Variants in DAW1 observed in about 807,000 individuals in gnomAD.
The protein encoded by DAW1 is dynein assembly factor with WD repeat domains 1.
Under a neutral mutation model 56.5 loss-of-function variants are expected in DAW1, and 47 were observed. The ratio of observed to expected loss-of-function variants is 0.83; its 90% CI spans 0.66 to 1.06. The LOEUF (loss-of-function observed/expected upper bound fraction) is 1.06, where lower values mean the gene tolerates loss of function less well. Ranked by LOEUF, DAW1 falls within the 50% of genes least tolerant of loss-of-function variation. DAW1 has a pLI of 0.00. For synonymous variants in DAW1, 190 were observed against 179.0 expected (o/e 1.06, Z -0.49); for missense variants, 505 against 499.3 (o/e 1.01, Z -0.11).
chr2:227,896,036 A>G (rs948412464), intron 5 of DAW1, among the ~76,000 whole-genome samples: 3 of 152,208 alleles, frequency 2.0e-5, no homozygotes, highest in South Asian at 2.1e-4. Flanking sequence ...GGTTGCCAAT[A>G]TAATATCTTT....
chr2:227,921,610 T>G (rs1356343330), intron 12 of DAW1, 49 bp downstream of exon 12: 1 of 1,572,046 alleles, frequency 6.4e-7, no homozygotes, highest in Non-Finnish European at 8.7e-7. Flanking sequence ...GATTGGCTGT[T>G]AGAGTTCCCA....
intron 1 of DAW1, among the ~76,000 whole-genome samples, chr2:227,879,466 G>A (rs1169577678): frequency 6.6e-6 from 1 of 151,934 alleles, no homozygotes; most frequent in Admixed American, 6.6e-5. Context: ...TTGTGGTTAT[G>A]GTTGAAACTT....
At chr2:227,899,848 A>G (rs1262678334) in intron 6 of DAW1, among the ~76,000 whole-genome samples, 1 of 152,244 alleles carries the variant, frequency 6.6e-6, no homozygotes, top group Non-Finnish European at 1.5e-5. Flanking sequence ...ATGCTTGGAA[A>G]TATGTCTTGA....
chr2:227,912,601 C>T (rs1190328878), intron 10 of DAW1: 1 of 1,143,528 alleles, frequency 8.7e-7, no homozygotes, highest in African/African-American at 1.6e-5. Flanking sequence ...GTGATGACCG[C>T]CTATTCTGCT....
At chr2:227,887,424 C>A (rs970896298) in intron 2 of DAW1, among the ~76,000 whole-genome samples, 1 of 152,092 alleles carries the variant, frequency 6.6e-6, no homozygotes, top group Non-Finnish European at 1.5e-5. Flanking sequence ...ATGTAAGAAT[C>A]TAATCTGGGT....
chr2:227,909,461 T>C lies in DAW1; in HGVS notation c.973+2209T>C, dbSNP rs189222956. ...AATAGTATATAAATACACACACACA[T>C]ATATATAGTATATAACCAATATTAT... On this transcript the variant is annotated intron_variant, in intron 10 of 12. Coordinates refer to ENST00000309931, the MANE Select transcript of DAW1 (RefSeq NM_178821.3). 9.9e-4 allele frequency among the ~76,000 whole-genome samples: 148 copies of C among 150,076 alleles called. 1 individual carries two copies. Among genetic ancestry groups the C allele is most frequent in the African/African-American group, 3.4e-3 (141 of 41,044 alleles).
chr2:227,922,909 C>T (rs888237140), intron 12 of DAW1, among the ~76,000 whole-genome samples: 3 of 152,182 alleles, frequency 2.0e-5, no homozygotes, highest in Non-Finnish European at 2.9e-5. Flanking sequence ...GGGCACAGGG[C>T]GCTCCTGCAG....
chr2:227,908,210 A>G (rs569159911), intron 10 of DAW1, among the ~76,000 whole-genome samples: 1 of 152,186 alleles, frequency 6.6e-6, no homozygotes, highest in Admixed American at 6.5e-5. Flanking sequence ...TATCTGCATC[A>G]TCTTGTTGAA....
At chr2:227,877,459 T>C (rs1279871439) in intron 1 of DAW1, among the ~76,000 whole-genome samples, 1 of 152,216 alleles carries the variant, frequency 6.6e-6, no homozygotes, top group Non-Finnish European at 1.5e-5. Flanking sequence ...GGACTCTTTG[T>C]TTTCTGCTTT....
chr2:227,917,166 G>GTCTGTCTGTCTGTCTA (rs1691973017), intron 10 of DAW1, among the ~76,000 whole-genome samples: 1 of 151,208 alleles, frequency 6.6e-6, no homozygotes, highest in Non-Finnish European at 1.5e-5. Context: ...CTGTCTGTCT[G>GTCTGTCTGTCTGTCTA]TCTGTCTGTC....
In DAW1 at chr2:227,889,921, C is replaced by T. The variant is rs1691222289; in HGVS notation, c.179C>T (p.Thr60Ile). Residue 60 changes from threonine to isoleucine, a missense_variant, in exon 3 of 13, where the codon ACA (threonine) becomes ATA (isoleucine). Coordinates refer to ENST00000309931, the MANE Select transcript of DAW1 (RefSeq NM_178821.3). ...KAEPLLTASR[T>I]EQVKLLIQRL... The stretch of plus-strand genomic sequence containing the variant: ...GAACCTCTACTCACAGCTTCACGAA[C>T]AGAGCAAGTCAAACTTTTGATACAG... The T allele has an allele frequency of 1.2e-6, 2 of 1,610,008 alleles. No individual in the cohort carries two copies. Among genetic ancestry groups the T allele is most frequent in the Non-Finnish European group, 1.7e-6 (2 of 1,178,646 alleles).
chr2:227,895,138 T>C (rs1691376908), intron 5 of DAW1, among the ~76,000 whole-genome samples: 1 of 152,128 alleles, frequency 6.6e-6, no homozygotes, highest in African/African-American at 2.4e-5. Flanking sequence ...TGCACGTATG[T>C]TTAAGTTCTT....
chr2:227,903,158 GTGTTTT>G (rs1228751059), intron 7 of DAW1, 49 bp downstream of exon 7: 1 of 1,584,664 alleles, frequency 6.3e-7, no homozygotes, highest in Admixed American at 1.7e-5. Context: ...ATTCTTATTT[GTGTTTT>G]TGTTACAAAA....
chr2:227,918,672 C>T lies in DAW1; in HGVS notation c.974-108C>T. On this transcript the variant is annotated intron_variant, in intron 10 of 12. Transcript: ENST00000309931. Reference sequence around the variant, plus strand: ...AACACAGGCAAGAAGATGAACTTAGCACAGAGCTCGTGTGTCAGGGGGATA... The same window carrying T: ...AACACAGGCAAGAAGATGAACTTAGTACAGAGCTCGTGTGTCAGGGGGATA... The T allele has an allele frequency of 2.5e-6, 3 of 1,201,672 alleles. No homozygotes were observed. The East Asian group carries it at 7.6e-5, about 30-fold the overall frequency. 74.4% of individuals were successfully genotyped at this position (1,201,672 alleles called of 1,614,324 possible).
intron 5 of DAW1, among the ~76,000 whole-genome samples, chr2:227,895,322 T>C (rs1023129670): frequency 2.0e-5 from 3 of 152,210 alleles, no homozygotes; most frequent in African/African-American, 7.2e-5. Context: ...GGAATATACC[T>C]TTTTTAGACA....
At position 227,900,875 on chromosome 2, in the gene DAW1, G is replaced by A. The variant is rs191279987; in HGVS notation, c.541-2127G>A. On this transcript the variant is annotated intron_variant, in intron 6 of 12. Transcript: ENST00000309931. ...GTGTCCATGCCTTGGCACACCTATA[G>A]CCCATTCAAATTCAGGTCACAGGGT... Among the ~76,000 whole-genome samples, 626 of 152,286 alleles carry A rather than the reference G, an allele frequency of 4.1e-3. 7 individuals are homozygous for A. Among genetic ancestry groups the A allele is most frequent in the African/African-American group, 0.014 (585 of 41,556 alleles).
intron 10 of DAW1, among the ~76,000 whole-genome samples, chr2:227,909,420 T>C (rs1201133507): frequency 6.7e-6 from 1 of 148,806 alleles, no homozygotes; most frequent in Middle Eastern, 3.6e-3. Flanking sequence ...GTTTATAGTA[T>C]ATATAGTATA....
chr2:227,908,675 C>G (rs550776576), intron 10 of DAW1, among the ~76,000 whole-genome samples: 1 of 152,328 alleles, frequency 6.6e-6, no homozygotes, highest in South Asian at 2.1e-4. Flanking sequence ...TACATTATCT[C>G]CCTGACAATT....
chr2:227,918,142 G>GTCCATCCATCCA (rs1289755154), intron 10 of DAW1, among the ~76,000 whole-genome samples: 12,771 of 81,798 alleles, frequency 0.16, 942 homozygotes, highest in Middle Eastern at 0.2. Context: ...CCATCCATCC[G>GTCCATCCATCCA]TCCATCCATC....
Sources: allele counts gnomAD v4.1 joint callset (sites outside exome capture counted in the v4.1 genomes callset), GRCh38; gene constraint gnomAD v4.1.1; transcripts MANE v1.5; gene names NCBI Gene and HGNC (gene_info 2026-07-23, HGNC 2026-07-21).